The following HDGFL2 variants were observed in gnomAD, a reference collection of about 807,000 sequenced individuals.
HDGFL2 encodes the protein HDGF like 2.
A neutral mutation model predicts 77.1 loss-of-function variants in HDGFL2; 36 were observed. That is an observed-to-expected ratio of 0.47 (90% CI 0.36 to 0.62). The LOEUF is 0.62. Ranked by LOEUF, HDGFL2 falls within the 20% of genes least tolerant of loss-of-function variation. The pLI, the probability that HDGFL2 is intolerant of heterozygous loss-of-function variation, is 0.00. For synonymous variants in HDGFL2, 463 were observed against 413.1 expected (o/e 1.12, Z -1.46); for missense variants, 976 against 973.4 (o/e 1.00, Z -0.04).
chr19:4,475,838 C>T (rs1043834778), intron 3 of HDGFL2, among the ~76,000 whole-genome samples: 3 of 151,720 alleles, frequency 2.0e-5, no homozygotes, highest in African/African-American at 4.8e-5. Flanking sequence ...TGGAGGGGAA[C>T]GGGATAGAAT....
intron 3 of HDGFL2, among the ~76,000 whole-genome samples, chr19:4,476,189 CTTTTT>C (rs34154932): frequency 1.2e-5 from 1 of 83,966 alleles, no homozygotes; most frequent in African/African-American, 4.8e-5. Flanking sequence ...TGTGCCCAGC[CTTTTT>C]TTTTTTTTTT....
chr19:4,493,179 C>T lies in HDGFL2; in HGVS notation c.679-524C>T, dbSNP rs189487715. On this transcript the variant is annotated intron_variant, in intron 6 of 15. Coordinates refer to ENST00000616600, the MANE Select transcript of HDGFL2 (RefSeq NM_001001520.3). ...GTGTGTTGTCTGTGTGTGGTGTGTG[C>T]GTGGTGTGTGTGTTGTCTGTGTCTG... Among the ~76,000 whole-genome samples the T allele has an allele frequency of 8.2e-4, 51 of 62,106 alleles. No individual in the cohort carries two copies. The South Asian group carries it at 9.4e-3, about 11-fold the overall frequency. The allele number at this position is 62,106 out of a possible 152,430, so 40.7% of individuals were successfully genotyped here.
intron 13 of HDGFL2, 83 bp from the exon 14 acceptor site, chr19:4,499,408 G>T (rs1443235467): frequency 8.0e-7 from 1 of 1,247,554 alleles, no homozygotes; most frequent in Non-Finnish European, 1.1e-6. Context: ...TGCGGGAGGG[G>T]CGCATTGCTG....
chr19:4,492,629 T>C (rs1975548312), intron 6 of HDGFL2, among the ~76,000 whole-genome samples: 1 of 151,726 alleles, frequency 6.6e-6, no homozygotes, highest in Non-Finnish European at 1.5e-5. Flanking sequence ...GTATGGTGTG[T>C]GTTTTGTTTG....
Position 4,491,612 on chromosome 19 carries a change from A to T in HDGFL2, c.536A>T (p.Gln179Leu). The T allele has an allele frequency of 6.2e-7, 1 of 1,613,976 alleles. No homozygotes were observed. The highest frequency in any genetic ancestry group is 1.1e-5 in the South Asian group (1 of 91,084). ...RARKASSDLD[Q>L]ASVSPSEEEN... is the part of the protein sequence containing the mutation. ...CGAAAGGCCTCCAGCGACCTGGATC[A>T]GGCCAGCGTGTCCCCATCCGAAGAG... Residue 179 changes from glutamine (Q) to leucine (L), a missense_variant, in exon 5 of 16, where the codon CAG becomes CTG. By Grantham distance (113) the Gln-to-Leu change is moderately radical. Transcript: ENST00000616600.
At position 4,493,789 on chromosome 19, in the gene HDGFL2, CTCCTCCTCCTCT is replaced by C; in HGVS notation, c.777_788del (p.Ser261_Ser264del). 4 of 1,531,124 alleles carry C rather than the reference CTCCTCCTCCTCT, an allele frequency of 2.6e-6. No homozygotes were observed. The highest frequency in any genetic ancestry group is 3.5e-6 in the Non-Finnish European group (4 of 1,133,662). 94.8% of individuals were successfully genotyped at this position (1,531,124 alleles called of 1,614,324 possible). Reference sequence around the variant, plus strand: ...CGGTGGCCATGGCGCGGTCGGCGTCCTCCTCCTCCTCTTCCTCCTCCTCCTCCGACTCCGATG... The same window carrying C: ...CGGTGGCCATGGCGCGGTCGGCGTCCTCCTCCTCCTCCTCCGACTCCGATG... On this transcript the variant is annotated inframe_deletion, in exon 7 of 16. Coordinates refer to ENST00000616600, the MANE Select transcript of HDGFL2 (RefSeq NM_001001520.3).
At chr19:4,482,149 C>T (rs1413199068) in intron 3 of HDGFL2, among the ~76,000 whole-genome samples, 6 of 149,182 alleles carry the variant, frequency 4.0e-5, no homozygotes, top group African/African-American at 1.2e-4. Flanking sequence ...TCTCCTGCCT[C>T]AGCCTCCCAC....
At chr19:4,490,126 C>T (rs1204549135) in intron 4 of HDGFL2, among the ~76,000 whole-genome samples, 2 of 152,052 alleles carry the variant, frequency 1.3e-5, no homozygotes, top group African/African-American at 2.4e-5. Context: ...CTAGTTCTGT[C>T]GCCCAGGCTG....
At chr19:4,489,143 G>C (rs1203471758) in intron 4 of HDGFL2, among the ~76,000 whole-genome samples, 1 of 151,618 alleles carries the variant, frequency 6.6e-6, no homozygotes, top group Non-Finnish European at 1.5e-5. Flanking sequence ...TGTTAGAGAC[G>C]GGGATTCACC....
intron 6 of HDGFL2, among the ~76,000 whole-genome samples, chr19:4,493,393 C>T (rs946469524): frequency 6.6e-6 from 1 of 151,646 alleles, no homozygotes; most frequent in Non-Finnish European, 1.5e-5. Flanking sequence ...ATGTGGCCTC[C>T]GCACAAGATT....
At chr19:4,479,448 C>T (rs1307069080) in intron 3 of HDGFL2, among the ~76,000 whole-genome samples, 1 of 151,434 alleles carries the variant, frequency 6.6e-6, no homozygotes, top group South Asian at 2.1e-4. Flanking sequence ...GTTAGCCGGG[C>T]GTGGCACCTG....
Position 4,488,579 on chromosome 19 carries a change from A to T in HDGFL2, c.289-97A>T, listed in dbSNP as rs1975420417. 8.2e-6 allele frequency: 9 copies of T among 1,092,508 alleles called. No homozygotes were observed. In the Admixed American group the frequency reaches 1.9e-4, roughly 23 times the overall value. The allele number at this position is 1,092,508 out of a possible 1,614,324, so 67.7% of individuals were successfully genotyped here. A position where few individuals can be genotyped will look rare whatever the true frequency, so the allele number is the denominator to read the frequency against. ...GGAGACAACACGCCTGACATTCAGG[A>T]TCCCGCATGTGGTTGCCGTCCTCTG... is the stretch of plus-strand genomic sequence containing the variant. On this transcript the variant is annotated intron_variant, in intron 3 of 15. Transcript: ENST00000616600.
At chr19:4,500,368 C>T (rs1219434967) in intron 14 of HDGFL2, among the ~76,000 whole-genome samples, 1 of 151,498 alleles carries the variant, frequency 6.6e-6, no homozygotes, top group East Asian at 1.9e-4. Context: ...CTCACTGCAA[C>T]CTTGACTTCC....
chr19:4,501,639 C>G, intron 15 of HDGFL2: 1 of 478,228 alleles, frequency 2.1e-6, no homozygotes, highest in African/African-American at 2.0e-5. Flanking sequence ...GTGCCTGTGC[C>G]CATCACTGTG....
At chr19:4,501,107 C>T in intron 14 of HDGFL2, 84 bp from the exon 15 acceptor site, 1 of 1,570,746 alleles carries the variant, frequency 6.4e-7, no homozygotes, top group Non-Finnish European at 8.7e-7. Context: ...CAGCTTGGCC[C>T]CTGGTCCAGT....
intron 6 of HDGFL2, among the ~76,000 whole-genome samples, chr19:4,493,207 C>T (rs1460117630): frequency 1.5e-4 from 12 of 82,228 alleles, no homozygotes; most frequent in East Asian, 7.1e-4. Flanking sequence ...TGTGTCTGTG[C>T]GGTGTGTGTG....
chr19:4,501,973 C>T lies in HDGFL2; in HGVS notation c.1979C>T (p.Ala660Val), dbSNP rs1329077636. The part of the protein sequence containing the change: ...PGSDRQERER[A>V]RGDSEALDEE... ...AGCGACCGGCAGGAGCGCGAGAGGG[C>T]ACGGGGGGACTCGGAGGCCCTGGAC... is the stretch of plus-strand genomic sequence containing the variant. The change falls in exon 16 of 16, where the codon GCA (alanine) becomes GTA (valine). Residue 660 changes from alanine to valine, a missense_variant. Physicochemically the swap from Ala to Val is moderately conservative, Grantham distance 64 (BLOSUM62 0). Transcript: ENST00000616600. 6 of 1,512,262 alleles carry T rather than the reference C, an allele frequency of 4.0e-6. No homozygotes were observed. The highest frequency in any genetic ancestry group is 2.5e-5 in the South Asian group (2 of 79,294). 93.7% of individuals were successfully genotyped at this position (1,512,262 alleles called of 1,614,324 possible).
chr19:4,481,780 A>G (rs1366537616), intron 3 of HDGFL2, among the ~76,000 whole-genome samples: 2 of 151,892 alleles, frequency 1.3e-5, no homozygotes, highest in Non-Finnish European at 2.9e-5. Flanking sequence ...TCTAAAACAG[A>G]GGATTTGGTA....
Position 4,494,068 on chromosome 19 carries a change from G to C in HDGFL2, c.914+11G>C. 1 of 1,594,542 alleles carries C rather than the reference G, an allele frequency of 6.3e-7. No homozygotes were observed. The highest frequency in any genetic ancestry group is 1.3e-5 in the African/African-American group (1 of 74,486). ...CTCCAGCAGTGACAGGTGGGTGCTG[G>C]GGCTGGGGTCCCCTCTGGCGGCTCC... On this transcript the variant is annotated intron_variant, in intron 8 of 15. Coordinates refer to ENST00000616600, the MANE Select transcript of HDGFL2 (RefSeq NM_001001520.3).
Sources: gnomAD v4.1 joint callset for allele counts (sites outside exome capture counted in the v4.1 genomes callset) on GRCh38, gnomAD v4.1.1 for gene constraint, MANE v1.5 for transcripts, NCBI Gene and HGNC (gene_info 2026-07-23, HGNC 2026-07-21) for gene names.